BTBD7: variants seen among roughly 807,000 people sequenced by gnomAD.
The protein encoded by BTBD7 is BTB/POZ domain-containing protein 7.
Under a neutral mutation model 99.9 loss-of-function variants are expected in BTBD7, and 38 were observed. That is an observed-to-expected ratio of 0.38 (90% CI 0.29 to 0.50). BTBD7 has a LOEUF of 0.50. Among genes scored for constraint, BTBD7 ranks in the 20% least tolerant of loss-of-function variants. BTBD7 has a pLI of 0.93. For synonymous variants in BTBD7, 520 were observed against 511.4 expected (o/e 1.02, Z -0.23); for missense variants, 1,170 against 1,394.6 (o/e 0.84, Z 2.57).
intron 9 of BTBD7, among the ~76,000 whole-genome samples, chr14:93,247,172 G>A (rs947014787): frequency 5.3e-5 from 8 of 151,720 alleles, no homozygotes; most frequent in African/African-American, 1.2e-4. Flanking sequence ...GACTACTGGC[G>A]CATACCACTA....
intron 3 of BTBD7, among the ~76,000 whole-genome samples, chr14:93,270,140 G>T (rs951768566): frequency 6.6e-6 from 1 of 152,130 alleles, no homozygotes; most frequent in Admixed American, 6.6e-5. Context: ...CTTGTTGCCA[G>T]ACTGGAGTGC....
chr14:93,261,492 C>T (rs1407662488), intron 5 of BTBD7, 110 bp downstream of exon 5: 2 of 849,912 alleles, frequency 2.4e-6, no homozygotes, highest in East Asian at 2.4e-5. Context: ...CTTCCATTTT[C>T]ACCAGGCAAC....
chr14:93,292,140 T>C (rs2139763736), intron 3 of BTBD7, among the ~76,000 whole-genome samples: 1 of 152,250 alleles, frequency 6.6e-6, no homozygotes, highest in East Asian at 1.9e-4. Context: ...TGAGCCGAAA[T>C]TGCGCCATTG....
intron 3 of BTBD7, among the ~76,000 whole-genome samples, chr14:93,281,088 C>A (rs541726461): frequency 1.3e-5 from 2 of 151,884 alleles, no homozygotes; most frequent in South Asian, 2.1e-4. Context: ...CTGCAATCTG[C>A]GCTTCTTGGG....
Position 93,300,781 on chromosome 14 carries a change from TA to T in BTBD7, c.-106-4625del, listed in dbSNP as rs60920641. 6.0e-3 allele frequency among the ~76,000 whole-genome samples: 599 copies of T among 100,274 alleles called. 56 individuals carry two copies. Among genetic ancestry groups the T allele is most frequent in the African/African-American group, 0.022 (512 of 23,586 alleles). 65.8% of individuals were successfully genotyped at this position (100,274 alleles called of 152,430 possible). On this transcript the variant is annotated intron_variant, in intron 1 of 10. Transcript: ENST00000334746. ...GTGTGTGTGTGTGTGTGTATATATATATATATTTTTTTTTTGTAGAGATAGG... is the reference window on the plus strand; with the variant it reads ...GTGTGTGTGTGTGTGTGTATATATATTATATTTTTTTTTTGTAGAGATAGG...
intron 5 of BTBD7, among the ~76,000 whole-genome samples, chr14:93,259,265 T>G (rs2052463280): frequency 1.3e-5 from 2 of 152,196 alleles, no homozygotes; most frequent in Admixed American, 6.5e-5. Context: ...GCACTGTAAC[T>G]CACGCCTGAA....
Position 93,242,098 on chromosome 14 carries a change from A to T in BTBD7, c.*175T>A, listed in dbSNP as rs1035713948. ...ACAGATGCAACATTAAAAAAAAAAA[A>T]CAAAACCTTCTTAGCATGCCATGTC... On this transcript the variant is annotated 3_prime_UTR_variant, in exon 11 of 11. Coordinates refer to ENST00000334746, the MANE Select transcript of BTBD7 (RefSeq NM_001002860.4). 1 of 590,626 alleles carries T rather than the reference A, an allele frequency of 1.7e-6. No individual in the cohort carries two copies. The highest frequency in any genetic ancestry group is 1.9e-5 in the African/African-American group (1 of 53,964). 36.6% of individuals were successfully genotyped at this position (590,626 alleles called of 1,614,324 possible). A position where few individuals can be genotyped will look rare whatever the true frequency, so the allele number is the denominator to read the frequency against.
Position 93,279,704 on chromosome 14 carries a change from C to T in BTBD7, c.1162+14154G>A, listed in dbSNP as rs200732042. Among the ~76,000 whole-genome samples the T allele has an allele frequency of 6.6e-5, 10 of 152,264 alleles. No individual in the cohort carries two copies. In the East Asian group the frequency reaches 9.6e-4, roughly 15 times the overall value. ...CTGGGATTACAGGTGCCCATGACCA[C>T]GTCCAGCTAATTTTTGTATTTTTAG... On this transcript the variant is annotated intron_variant, in intron 3 of 10. Transcript: ENST00000334746.
intron 3 of BTBD7, among the ~76,000 whole-genome samples, chr14:93,286,258 T>G (rs1233277390): frequency 6.6e-6 from 1 of 152,216 alleles, no homozygotes; most frequent in African/African-American, 2.4e-5. Context: ...CTCTGCCTCC[T>G]ATGAAGACAT....
Position 93,243,014 on chromosome 14 carries a change from CCTG to C in BTBD7, c.2655_2657del (p.Asp885_Arg886delinsGlu), listed in dbSNP as rs752022568. 6.2e-7 allele frequency: 1 copy of C among 1,614,100 alleles called. No homozygotes were observed. The highest frequency in any genetic ancestry group is 8.5e-7 in the Non-Finnish European group (1 of 1,180,038). ...TGTCTACAGCAAGCTCTGGAAGCCT[CCTG>C]TCCTTGAGTGACAGTGTGGACACAC... On this transcript the variant is annotated inframe_deletion, in exon 11 of 11. Transcript: ENST00000334746.
chr14:93,303,982 T>C (rs1466115035), intron 1 of BTBD7, among the ~76,000 whole-genome samples: 1 of 152,202 alleles, frequency 6.6e-6, no homozygotes, highest in Non-Finnish European at 1.5e-5. Flanking sequence ...AAAGTTTTGA[T>C]GTCTTCTAGC....
intron 3 of BTBD7, among the ~76,000 whole-genome samples, chr14:93,273,498 G>A (rs2052621514): frequency 6.6e-6 from 1 of 152,214 alleles, no homozygotes; most frequent in Non-Finnish European, 1.5e-5. Flanking sequence ...AAGGAGATAT[G>A]AAAGAAAGCC....
intron 1 of BTBD7, among the ~76,000 whole-genome samples, chr14:93,330,829 C>A (rs148311022): frequency 1.0e-3 from 159 of 152,282 alleles, no homozygotes; most frequent in African/African-American, 3.7e-3. Flanking sequence ...TGCTGTGACT[C>A]AAGATGATAC....
chr14:93,252,401 G>A (rs1234825734), intron 7 of BTBD7, among the ~76,000 whole-genome samples: 1 of 151,912 alleles, frequency 6.6e-6, no homozygotes, highest in East Asian at 1.9e-4. Flanking sequence ...TGTTGCCTGG[G>A]CTGGAGTGCA....
At chr14:93,265,660 G>A (rs1004839512) in intron 3 of BTBD7, among the ~76,000 whole-genome samples, 1 of 152,230 alleles carries the variant, frequency 6.6e-6, no homozygotes. Flanking sequence ...GGCGGCGCAC[G>A]CCTGTAATCC....
rs1313559517 is a variant in BTBD7, at chr14:93,300,754, GTGTGTGTGTGTGTGTGTGTATA to G, written c.-106-4619_-106-4598del. On this transcript the variant is annotated intron_variant, in intron 1 of 10. Coordinates refer to ENST00000334746, the MANE Select transcript of BTBD7 (RefSeq NM_001002860.4). ...TGTGTGTGTGTGTGTGTGTGTGTGT[GTGTGTGTGTGTGTGTGTGTATA>G]TATATATATATTTTTTTTTTGTAGA... Among the ~76,000 whole-genome samples the G allele has an allele frequency of 4.2e-3, 238 of 56,296 alleles. 16 individuals are homozygous for G. Among genetic ancestry groups the G allele is most frequent in the African/African-American group, 0.014 (130 of 9,192 alleles). 36.9% of individuals were successfully genotyped at this position (56,296 alleles called of 152,430 possible).
At chr14:93,297,209 C>T (rs1427084278) in intron 1 of BTBD7, among the ~76,000 whole-genome samples, 1 of 152,168 alleles carries the variant, frequency 6.6e-6, no homozygotes, top group Non-Finnish European at 1.5e-5. Flanking sequence ...TGTCAAGATG[C>T]TTGGAATTTA....
At position 93,240,483 on chromosome 14, in the gene BTBD7, T is replaced by A. The variant is rs1223154597; in HGVS notation, c.*1790A>T. The A allele has an allele frequency of 6.6e-6, 1 of 152,646 alleles. No individual in the cohort carries two copies. The highest frequency in any genetic ancestry group is 2.4e-5 in the African/African-American group (1 of 41,462). The allele number at this position is 152,646 out of a possible 1,614,324, so 9.5% of individuals were successfully genotyped here. ...AAGTGCATGTAATTCATTTACCCGG[T>A]AGCTCATAAACGCTCCCTAGCCCTG... On this transcript the variant is annotated 3_prime_UTR_variant, in exon 11 of 11. Coordinates refer to ENST00000334746, the MANE Select transcript of BTBD7 (RefSeq NM_001002860.4).
chr14:93,315,735 A>T (rs969364054), intron 1 of BTBD7, among the ~76,000 whole-genome samples: 1 of 152,196 alleles, frequency 6.6e-6, no homozygotes, highest in Admixed American at 6.5e-5. Context: ...ATTTATCAGT[A>T]CTACTTTATT....
Sources: gnomAD v4.1 joint callset for allele counts (sites outside exome capture counted in the v4.1 genomes callset) on GRCh38, gnomAD v4.1.1 for gene constraint, MANE v1.5 for transcripts, NCBI Gene and HGNC (gene_info 2026-07-23, HGNC 2026-07-21) for gene names.